ADGRG2: variants seen among roughly 807,000 people sequenced by gnomAD.
The protein encoded by ADGRG2 is G protein-coupled receptor 64.
Under a neutral mutation model 74.1 loss-of-function variants are expected in ADGRG2, and 26 were observed. That is an observed-to-expected ratio of 0.35 (90% CI 0.26 to 0.49). The LOEUF is 0.49. Among genes scored for constraint, ADGRG2 ranks in the 20% least tolerant of loss-of-function variants. The pLI, the probability that ADGRG2 is intolerant of heterozygous loss-of-function variation, is 0.99. For missense variants in ADGRG2, 619 were observed against 763.1 expected (o/e 0.81, Z 2.22); for synonymous variants, 296 against 295.2 (o/e 1.00, Z -0.03).
chrX:18,999,990 A>AT, intron 24 of ADGRG2, 30 bp from the exon 25 acceptor site: 2 of 754,822 alleles, frequency 2.6e-6, no homozygotes, highest in Admixed American at 2.7e-5. Context: ...GGTCACACCT[A>AT]ATTTTTTTTT....
chrX:19,078,328 T>G lies in ADGRG2; in HGVS notation c.-2+4374A>C, dbSNP rs760294691. 4.0e-3 allele frequency among the ~76,000 whole-genome samples: 445 copies of G among 111,560 alleles called. 1 individual carries two copies. The highest frequency in any genetic ancestry group is 7.8e-3 in the Admixed American group (82 of 10,541). ...ACTTTGGGAGGCCAAGGCAGAAGGG[T>G]TACCTGAGCCCAGGAGTTCGAGCCC... On this transcript the variant is annotated intron_variant, in intron 2 of 28. Transcript: ENST00000379869.
Position 18,996,079 on chromosome X carries a change from A to G in ADGRG2, c.2688T>C (p.Cys896=). 1 of 1,180,305 alleles carries G rather than the reference A, an allele frequency of 8.5e-7. No individual in the cohort carries two copies. The highest frequency in any genetic ancestry group is 1.8e-5 in the South Asian group (1 of 55,856). Residue 896 remains cysteine, a synonymous_variant, in exon 27 of 29, where the codon TGT becomes TGC. Transcript: ENST00000379869. The part of the protein sequence containing the change: ...VRKQWRRYLC[C]GKLRLAENSD... ...AATTTTCAGCCAGCCGTAACTTTCC[A>G]CAACAAAGATACCGCCTCCATTGCT...
intron 1 of ADGRG2, among the ~76,000 whole-genome samples, chrX:19,088,988 G>A (rs146788064): frequency 3.0e-4 from 33 of 111,393 alleles, no homozygotes; most frequent in African/African-American, 8.2e-4. Context: ...TATCTGCCAC[G>A]TGAGATGTAC....
intron 3 of ADGRG2, among the ~76,000 whole-genome samples, chrX:19,062,050 C>T (rs1416344548): frequency 8.9e-6 from 1 of 111,777 alleles, no homozygotes; most frequent in African/African-American, 3.3e-5. Flanking sequence ...CTCCCTTGAG[C>T]TCTCACCACT....
At chrX:19,090,208 C>T (rs1602096723) in intron 1 of ADGRG2, among the ~76,000 whole-genome samples, 1 of 112,054 alleles carries the variant, frequency 8.9e-6, no homozygotes, top group East Asian at 2.8e-4. Context: ...ATGGGCCCTA[C>T]TCATAAAGAG....
rs182492976 is a variant in ADGRG2, at chrX:19,080,923, A to G, written c.-2+1779T>C. Among the ~76,000 whole-genome samples the G allele has an allele frequency of 3.2e-3, 354 of 109,941 alleles. 1 individual carries two copies. The highest frequency in any genetic ancestry group is 0.011 in the African/African-American group (321 of 30,200). On this transcript the variant is annotated intron_variant, in intron 2 of 28. Coordinates refer to ENST00000379869, the MANE Select transcript of ADGRG2 (RefSeq NM_001079858.3). ...GTAAACAGATTTTGGAATTATTTCC[A>G]AAATAATTGACATTCATTCATCTAG...
intron 27 of ADGRG2, among the ~76,000 whole-genome samples, chrX:18,995,547 T>A (rs751485152): frequency 3.5e-4 from 38 of 109,462 alleles, no homozygotes; most frequent in Admixed American, 2.3e-3. Flanking sequence ...AAAAAAAAAA[T>A]GAGCTATTTG....
intron 3 of ADGRG2, among the ~76,000 whole-genome samples, chrX:19,055,134 C>T (rs985586677): frequency 5.4e-5 from 6 of 111,959 alleles, no homozygotes; most frequent in Admixed American, 4.7e-4. Flanking sequence ...ACTGCCTGTC[C>T]GATAGATGTC....
intron 15 of ADGRG2, among the ~76,000 whole-genome samples, chrX:19,016,709 C>T (rs1442417031): frequency 4.2e-5 from 3 of 72,260 alleles, no homozygotes; most frequent in Non-Finnish European, 7.3e-5. Flanking sequence ...CCCCACCCAT[C>T]GATGTATTTT....
chrX:19,105,635 G>C (rs763284258), intron 1 of ADGRG2, among the ~76,000 whole-genome samples: 1 of 111,158 alleles, frequency 9.0e-6, no homozygotes. Context: ...TGTAGGTGAT[G>C]AGTTGATGGG....
At position 18,990,536 on chromosome X, in the gene ADGRG2, T is replaced by A. The variant is rs776152930; in HGVS notation, c.*328A>T. On this transcript the variant is annotated 3_prime_UTR_variant, in exon 29 of 29. Coordinates refer to ENST00000379869, the MANE Select transcript of ADGRG2 (RefSeq NM_001079858.3). ...TCAACAGTTGCTTTATATGATGTTATCAAAGATAACTTAGCCTCTTTAAAA... is the reference window on the plus strand; with the variant it reads ...TCAACAGTTGCTTTATATGATGTTAACAAAGATAACTTAGCCTCTTTAAAA... 1.2e-4 allele frequency: 16 copies of A among 138,072 alleles called. No homozygotes were observed. Among genetic ancestry groups the A allele is most frequent in the Non-Finnish European group, 2.0e-4 (14 of 70,333 alleles). 11.4% of individuals were successfully genotyped at this position (138,072 alleles called of 1,213,427 possible).
At chrX:19,092,659 A>G (rs1022866574) in intron 1 of ADGRG2, among the ~76,000 whole-genome samples, 2 of 111,296 alleles carry the variant, frequency 1.8e-5, no homozygotes, top group African/African-American at 3.3e-5. Flanking sequence ...CTCCAGCCTC[A>G]CCCTCCTCAC....
chrX:19,103,178 C>T (rs190659064), intron 1 of ADGRG2, among the ~76,000 whole-genome samples: 248 of 111,432 alleles, frequency 2.2e-3, no homozygotes, highest in Non-Finnish European at 3.4e-3. Flanking sequence ...ACCAAGATGA[C>T]GACAAAAATG....
At chrX:19,001,821 G>A (rs754696477) in intron 24 of ADGRG2, among the ~76,000 whole-genome samples, 8 of 111,253 alleles carry the variant, frequency 7.2e-5, no homozygotes, top group African/African-American at 9.8e-5. Context: ...ATAAGGAGAC[G>A]GAGAGCCAGG....
At chrX:19,085,248 A>T (rs1452943381) in intron 1 of ADGRG2, among the ~76,000 whole-genome samples, 1 of 112,297 alleles carries the variant, frequency 8.9e-6, no homozygotes, top group Non-Finnish European at 1.9e-5. Flanking sequence ...CTGTCAATGC[A>T]TATAAGGCAA....
intron 2 of ADGRG2, among the ~76,000 whole-genome samples, chrX:19,078,902 A>T (rs1336128043): frequency 1.8e-5 from 2 of 110,653 alleles, no homozygotes; most frequent in Non-Finnish European, 3.8e-5. Flanking sequence ...AAGGGGAGAA[A>T]AAGAGAGAGG....
chrX:19,020,565 C>T (rs1213751462), intron 14 of ADGRG2, among the ~76,000 whole-genome samples: 2 of 111,313 alleles, frequency 1.8e-5, no homozygotes, highest in Non-Finnish European at 3.8e-5. Context: ...ACATGTATAC[C>T]TATGTAACAA....
At position 19,010,586 on chromosome X, in the gene ADGRG2, C is replaced by T; in HGVS notation, c.1265+27G>A. On this transcript the variant is annotated intron_variant, in intron 17 of 28. Coordinates refer to ENST00000379869, the MANE Select transcript of ADGRG2 (RefSeq NM_001079858.3). ...TTTATCTTTGGAGGGTCCCCTCTTA[C>T]CACCACTTCAGTTTGCGAAGTCGTA... The T allele has an allele frequency of 1.7e-6, 2 of 1,176,627 alleles. No homozygotes were observed. The highest frequency in any genetic ancestry group is 3.0e-5 in the East Asian group (1 of 33,417).
At chrX:19,051,022 C>G (rs1226972940) in intron 3 of ADGRG2, among the ~76,000 whole-genome samples, 1 of 111,759 alleles carries the variant, frequency 8.9e-6, no homozygotes, top group Non-Finnish European at 1.9e-5. Context: ...CGTGGTGATA[C>G]GATTAAAACT....
Sources: allele counts gnomAD v4.1 joint callset (sites outside exome capture counted in the v4.1 genomes callset), GRCh38; gene constraint gnomAD v4.1.1; transcripts MANE v1.5; gene names NCBI Gene and HGNC (gene_info 2026-07-23, HGNC 2026-07-21).